The following MGAT5 variants were observed in gnomAD, a reference collection of about 807,000 sequenced individuals.
The protein encoded by MGAT5 is alpha-1,6-mannosylglycoprotein 6-beta-N-acetylglucosaminyltransferase A.
In MGAT5, 30 loss-of-function variants were observed where a neutral mutation model predicts 94.3. That is an observed-to-expected ratio of 0.32 (90% CI 0.24 to 0.43). The LOEUF is 0.43. Ranked by LOEUF, MGAT5 falls within the 20% of genes least tolerant of loss-of-function variation. The pLI is 1.00. For synonymous variants in MGAT5, 310 were observed against 322.9 expected, an observed-to-expected ratio of 0.96 and a Z score of 0.43; for missense variants, 691 against 905.5, an observed-to-expected ratio of 0.76 and a Z score of 3.04.
chr2:134,406,343 G>A (rs1291631454), intron 11 of MGAT5, among the ~76,000 whole-genome samples: 1 of 152,154 alleles, frequency 6.6e-6, no homozygotes. Flanking sequence ...ACATACTGTC[G>A]CTGTACCCCT....
chr2:134,165,472 G>A (rs1274727262), intron 1 of MGAT5, among the ~76,000 whole-genome samples: 1 of 152,058 alleles, frequency 6.6e-6, no homozygotes, highest in Non-Finnish European at 1.5e-5. Flanking sequence ...TAGCATTCAG[G>A]TCTTCTAAAA....
At chr2:134,128,903 C>G (rs1162741627) in intron 1 of MGAT5, among the ~76,000 whole-genome samples, 1 of 152,104 alleles carries the variant, frequency 6.6e-6, no homozygotes, top group Non-Finnish European at 1.5e-5. Context: ...TTTTTTGATG[C>G]CATGTCTGGT....
intron 1 of MGAT5, among the ~76,000 whole-genome samples, chr2:134,147,085 T>C (rs1686953837): frequency 6.6e-6 from 1 of 151,484 alleles, no homozygotes; most frequent in African/African-American, 2.4e-5. Context: ...GGGTTCCTGC[T>C]CTCTCTCGCT....
chr2:134,364,053 T>C (rs1435113206), intron 10 of MGAT5, among the ~76,000 whole-genome samples: 1 of 152,168 alleles, frequency 6.6e-6, no homozygotes, highest in Non-Finnish European at 1.5e-5. Context: ...TATCACTTTG[T>C]TTTGGGGCCA....
intron 2 of MGAT5, among the ~76,000 whole-genome samples, chr2:134,282,544 A>G (rs909750948): frequency 1.3e-5 from 2 of 152,226 alleles, no homozygotes; most frequent in Non-Finnish European, 2.9e-5. Context: ...CTGTTATTCT[A>G]CCACCCAGAG....
chr2:134,177,372 T>C (rs1157132908), intron 1 of MGAT5, among the ~76,000 whole-genome samples: 1 of 152,040 alleles, frequency 6.6e-6, no homozygotes, highest in Admixed American at 6.6e-5. Context: ...CCTGGGGGGA[T>C]CTGATGGAGG....
At chr2:134,143,295 A>G (rs1203711445) in intron 1 of MGAT5, among the ~76,000 whole-genome samples, 2 of 152,212 alleles carry the variant, frequency 1.3e-5, no homozygotes, top group African/African-American at 4.8e-5. Context: ...AACATACTCA[A>G]TGCCGCTAAG....
At chr2:134,197,318 G>A (rs1679543459) in intron 1 of MGAT5, among the ~76,000 whole-genome samples, 1 of 152,208 alleles carries the variant, frequency 6.6e-6, no homozygotes, top group Non-Finnish European at 1.5e-5. Context: ...AGGAGAAACA[G>A]CATTAGCATT....
chr2:134,324,495 G>A (rs775724887), intron 4 of MGAT5, among the ~76,000 whole-genome samples: 1 of 152,102 alleles, frequency 6.6e-6, no homozygotes, highest in Non-Finnish European at 1.5e-5. Flanking sequence ...TTTAAATTCA[G>A]CATACTTAAT....
intron 7 of MGAT5, among the ~76,000 whole-genome samples, chr2:134,342,885 C>A (rs1688716191): frequency 6.6e-6 from 1 of 152,090 alleles, no homozygotes; most frequent in Non-Finnish European, 1.5e-5. Context: ...ATAATTACAA[C>A]TAATATATTA....
chr2:134,206,353 T>A (rs1418173083), intron 1 of MGAT5, among the ~76,000 whole-genome samples: 2 of 152,234 alleles, frequency 1.3e-5, no homozygotes, highest in African/African-American at 4.8e-5. Context: ...GCCAGGATGC[T>A]GATGTGAATA....
intron 1 of MGAT5, among the ~76,000 whole-genome samples, chr2:134,176,465 A>G (rs2105144097): frequency 6.6e-6 from 1 of 150,394 alleles, no homozygotes; most frequent in East Asian, 2.0e-4. Context: ...CTAGCTACTC[A>G]GGGAGGCTGA....
At chr2:134,397,833 G>A (rs1412758546) in intron 10 of MGAT5, among the ~76,000 whole-genome samples, 1 of 152,344 alleles carries the variant, frequency 6.6e-6, no homozygotes, top group East Asian at 1.9e-4. Context: ...GCGACCTGTA[G>A]TGGAGGGAGG....
rs572957020 is a variant in MGAT5 at position 134,399,220 on chromosome 2, A to C, written c.1381-3768A>C. ...ATCAATTTAAAAATGTTGTAAAATA[A>C]GTTGGGGAAAGCTTCTGATTCTCTA... On this transcript the variant is annotated intron_variant, in intron 10 of 15. Coordinates refer to ENST00000281923, the MANE Select transcript of MGAT5 (RefSeq NM_002410.5). 6.6e-5 allele frequency among the ~76,000 whole-genome samples: 10 copies of C among 152,328 alleles called. 1 individual carries two copies. Among genetic ancestry groups the C allele is most frequent in the African/African-American group, 2.2e-4 (9 of 41,578 alleles).
At chr2:134,403,222 A>G in intron 11 of MGAT5, 85 bp downstream of exon 11, 6 of 1,389,178 alleles carry the variant, frequency 4.3e-6, no homozygotes, top group Non-Finnish European at 5.8e-6. Context: ...TTGTTTTTCA[A>G]TGCTGCAATA....
chr2:134,217,592 T>A (rs1680565078), intron 1 of MGAT5, among the ~76,000 whole-genome samples: 1 of 152,206 alleles, frequency 6.6e-6, no homozygotes, highest in South Asian at 2.1e-4. Flanking sequence ...ATTAAAGTCC[T>A]TCATTTAAGA....
chr2:134,233,411 T>C (rs1399899770), intron 1 of MGAT5, among the ~76,000 whole-genome samples: 1 of 152,208 alleles, frequency 6.6e-6, no homozygotes, highest in African/African-American at 2.4e-5. Flanking sequence ...TGCTTCCTCA[T>C]CAAAACTGAT....
At chr2:134,395,780 C>T (rs1682671944) in intron 10 of MGAT5, among the ~76,000 whole-genome samples, 1 of 152,154 alleles carries the variant, frequency 6.6e-6, no homozygotes, top group South Asian at 2.1e-4. Flanking sequence ...AAATTCTCAC[C>T]TAATTGGACA....
At chr2:134,297,569 C>G (rs1685752335) in intron 2 of MGAT5, among the ~76,000 whole-genome samples, 1 of 152,134 alleles carries the variant, frequency 6.6e-6, no homozygotes, top group African/African-American at 2.4e-5. Context: ...TCTAGAAACA[C>G]AAGGTTGGTT....
Sources: allele counts gnomAD v4.1 joint callset (sites outside exome capture counted in the v4.1 genomes callset), GRCh38; gene constraint gnomAD v4.1.1; transcripts MANE v1.5; gene names NCBI Gene and HGNC (gene_info 2026-07-23, HGNC 2026-07-21).